IGFBP5: variants seen among roughly 807,000 people sequenced by gnomAD.
The protein encoded by IGFBP5 is insulin like growth factor binding protein 5, also known as insulin-like growth factor-binding protein 5.
In IGFBP5, 12 loss-of-function variants were observed where a neutral mutation model predicts 28.0. The ratio of observed to expected loss-of-function variants is 0.43; its 90% CI spans 0.27 to 0.69. The LOEUF is 0.69. Among genes scored for constraint, IGFBP5 ranks in the 30% least tolerant of loss-of-function variants. IGFBP5 has a pLI of 0.20. For missense variants in IGFBP5, 344 were observed against 381.6 expected (o/e 0.90, Z 0.82); for synonymous variants, 152 against 150.2 (o/e 1.01, Z -0.09).
At chr2:216,685,015 G>T (rs1689018453) in intron 1 of IGFBP5, among the ~76,000 whole-genome samples, 1 of 152,228 alleles carries the variant, frequency 6.6e-6, no homozygotes, top group South Asian at 2.1e-4. Flanking sequence ...CAGGCATGGT[G>T]GCTCACGCCT....
intron 1 of IGFBP5, among the ~76,000 whole-genome samples, chr2:216,687,626 A>C (rs1007323421): frequency 6.6e-6 from 1 of 152,126 alleles, no homozygotes; most frequent in Non-Finnish European, 1.5e-5. Flanking sequence ...CTTCTTTTGG[A>C]GTTGGGGAAG....
At chr2:216,685,608 G>A (rs552042297) in intron 1 of IGFBP5, among the ~76,000 whole-genome samples, 62 of 152,326 alleles carry the variant, frequency 4.1e-4, no homozygotes, top group Non-Finnish European at 5.3e-4. Flanking sequence ...CAAGGCTGGT[G>A]GAAGCATGAG....
rs775222917 is a variant in IGFBP5 at position 216,672,486 on chromosome 2, C to T, written c.*4265G>A. On this transcript the variant is annotated 3_prime_UTR_variant, in exon 4 of 4. Transcript: ENST00000233813. The stretch of plus-strand genomic sequence containing the variant: ...ATGTATGTAAAACTATAGAGAACTA[C>T]AGTAATATGTACTGTGGTTATTGCT... The T allele has an allele frequency of 2.7e-5, 4 of 149,524 alleles. No homozygotes were observed. The highest frequency in any genetic ancestry group is 5.9e-5 in the Non-Finnish European group (4 of 67,492). The allele number at this position is 149,524 out of a possible 1,614,324, so 9.3% of individuals were successfully genotyped here.
At chr2:216,685,725 A>G (rs1689027188) in intron 1 of IGFBP5, among the ~76,000 whole-genome samples, 1 of 152,168 alleles carries the variant, frequency 6.6e-6, no homozygotes, top group Non-Finnish European at 1.5e-5. Context: ...GTGTGTGTGC[A>G]TTTGCAGAAG....
Position 216,676,744 on chromosome 2 carries a change from G to A in IGFBP5, c.*7C>T, listed in dbSNP as rs771598060. 6 of 1,581,602 alleles carry A rather than the reference G, an allele frequency of 3.8e-6. No homozygotes were observed. The highest frequency in any genetic ancestry group is 4.3e-6 in the Non-Finnish European group (5 of 1,158,972). On this transcript the variant is annotated 3_prime_UTR_variant, in exon 4 of 4. Coordinates refer to ENST00000233813, the MANE Select transcript of IGFBP5 (RefSeq NM_000599.4). The stretch of plus-strand genomic sequence containing the variant: ...AGGGGGTGAGGGAAAGGTTGGGGGG[G>A]GACGCATCACTCAACGTTGCTGCTG...
At chr2:216,685,943 G>A (rs904871909) in intron 1 of IGFBP5, among the ~76,000 whole-genome samples, 5 of 151,556 alleles carry the variant, frequency 3.3e-5, no homozygotes, top group African/African-American at 4.9e-5. Context: ...TGCATGTTCC[G>A]GGTTCTTTTT....
At chr2:216,678,085 G>C (rs762341803) in intron 3 of IGFBP5, 27 bp downstream of exon 3, 1 of 1,428,928 alleles carries the variant, frequency 7.0e-7, no homozygotes, top group South Asian at 1.7e-5. Context: ...AGCAGTCTGA[G>C]CCTGGAGCTC....
chr2:216,682,114 C>G (rs777848398), intron 1 of IGFBP5, among the ~76,000 whole-genome samples: 26 of 152,224 alleles, frequency 1.7e-4, no homozygotes, highest in Non-Finnish European at 1.5e-4. Context: ...GAGGGCACAC[C>G]TTCCCCAGCT....
In IGFBP5 at chr2:216,694,624, G is replaced by C; in HGVS notation, c.152C>G (p.Pro51Arg). 1 of 1,539,624 alleles carries C rather than the reference G, an allele frequency of 6.5e-7. No homozygotes were observed. Among genetic ancestry groups the C allele is most frequent in the African/African-American group, 1.4e-5 (1 of 72,112 alleles). Residue 51 changes from proline (P) to arginine (R), a missense_variant, in exon 1 of 4, where the codon CCG becomes CGG. Coordinates refer to ENST00000233813, the MANE Select transcript of IGFBP5 (RefSeq NM_000599.4). The surrounding 1 kb of genome is among the most constrained non-coding windows in gnomAD (Gnocchi z 5.2). ...SPLGCELVKEPGCGCCMTCAL... is the reference protein window; with the variant it reads ...SPLGCELVKERGCGCCMTCAL... ...GCAGGTCATGCAGCAGCCGCAGCCCGGCTCCTTGACCAGCTCGCAGCCCAG... is the reference window on the plus strand; with the variant it reads ...GCAGGTCATGCAGCAGCCGCAGCCCCGCTCCTTGACCAGCTCGCAGCCCAG...
In IGFBP5 at chr2:216,679,437, A is replaced by G. The variant is rs1386148690; in HGVS notation, c.338-358T>C. On this transcript the variant is annotated intron_variant, in intron 1 of 3. Coordinates refer to ENST00000233813, the MANE Select transcript of IGFBP5 (RefSeq NM_000599.4). This position sits in a 1 kb window ranked among gnomAD's most constrained non-coding sequence, Gnocchi z 4.6. ...TGGCCTCTGCAAGGATGAAGGTGGC[A>G]GCGAGCGGTTTGCTTGCTGGGGGAT... Among the ~76,000 whole-genome samples, 1 of 152,124 alleles carries G rather than the reference A, an allele frequency of 6.6e-6. No individual in the cohort carries two copies. The highest frequency in any genetic ancestry group is 2.4e-5 in the African/African-American group (1 of 41,412).
At chr2:216,688,648 A>G (rs888301449) in intron 1 of IGFBP5, among the ~76,000 whole-genome samples, 2 of 152,180 alleles carry the variant, frequency 1.3e-5, no homozygotes, top group African/African-American at 4.8e-5. Context: ...AACTCAGAGA[A>G]TCAGCAGAGG....
At position 216,679,324 on chromosome 2, in the gene IGFBP5, C is replaced by G; in HGVS notation, c.338-245G>C. ...AGAGAGTGCAGGCAGGGAGGCTTCACAGAGGAGGAGAATCGAGAGACTGAC... is the reference window on the plus strand; with the variant it reads ...AGAGAGTGCAGGCAGGGAGGCTTCAGAGAGGAGGAGAATCGAGAGACTGAC... On this transcript the variant is annotated intron_variant, in intron 1 of 3. Coordinates refer to ENST00000233813, the MANE Select transcript of IGFBP5 (RefSeq NM_000599.4). The surrounding 1 kb of genome is among the most constrained non-coding windows in gnomAD (Gnocchi z 4.6). 1 of 555,224 alleles carries G rather than the reference C, an allele frequency of 1.8e-6. No homozygotes were observed. Among genetic ancestry groups the G allele is most frequent in the Non-Finnish European group, 3.3e-6 (1 of 305,054 alleles). The allele number at this position is 555,224 out of a possible 1,614,324, so 34.4% of individuals were successfully genotyped here.
rs764506486 is a variant in IGFBP5, at chr2:216,676,892, G to A, written c.688-10C>T. ...CACGGGAAGGTTTGCACTGGGGTGAGTAGAGCAACAGGCGGTGAGGACGGC... is the reference window on the plus strand; with the variant it reads ...CACGGGAAGGTTTGCACTGGGGTGAATAGAGCAACAGGCGGTGAGGACGGC... On this transcript the variant is annotated splice_polypyrimidine_tract_variant and intron_variant, in intron 3 of 3. Transcript: ENST00000233813. 3 of 1,613,714 alleles carry A rather than the reference G, an allele frequency of 1.9e-6. No homozygotes were observed. Among genetic ancestry groups the A allele is most frequent in the African/African-American group, 1.3e-5 (1 of 75,038 alleles).
intron 1 of IGFBP5, among the ~76,000 whole-genome samples, chr2:216,687,912 G>A (rs985131591): frequency 6.6e-6 from 1 of 152,194 alleles, no homozygotes; most frequent in Non-Finnish European, 1.5e-5. Context: ...CCCAGGCTCT[G>A]CTAGGGACCA....
At chr2:216,684,876 A>T (rs1472921746) in intron 1 of IGFBP5, among the ~76,000 whole-genome samples, 1 of 152,240 alleles carries the variant, frequency 6.6e-6, no homozygotes, top group Non-Finnish European at 1.5e-5. Flanking sequence ...GGAGCAAGAT[A>T]ACCCTGCCGC....
chr2:216,688,595 G>A (rs1299116435), intron 1 of IGFBP5, among the ~76,000 whole-genome samples: 1 of 152,140 alleles, frequency 6.6e-6, no homozygotes, highest in African/African-American at 2.4e-5. Context: ...TGACAGAGGG[G>A]TGTCGCAGTC....
At chr2:216,683,485 G>T (rs1689003287) in intron 1 of IGFBP5, among the ~76,000 whole-genome samples, 1 of 152,196 alleles carries the variant, frequency 6.6e-6, no homozygotes, top group Non-Finnish European at 1.5e-5. Flanking sequence ...TATTTAAAGA[G>T]TCAGGGAGAC....
rs72065152 is a variant in IGFBP5 at position 216,672,538 on chromosome 2, A to AAACAAC, written c.*4207_*4212dup. ...TCTTCAAAAAAAAAAAGAAAAAGAAAAACAACAACAACAACAACGAAAACA... is the reference window on the plus strand; with the variant it reads ...TCTTCAAAAAAAAAAAGAAAAAGAAAAACAACAACAACAACAACAACAACGAAAACA... On this transcript the variant is annotated 3_prime_UTR_variant, in exon 4 of 4. Coordinates refer to ENST00000233813, the MANE Select transcript of IGFBP5 (RefSeq NM_000599.4). The AAACAAC allele has an allele frequency of 6.6e-6, 1 of 152,288 alleles. No homozygotes were observed. The highest frequency in any genetic ancestry group is 1.5e-5 in the Non-Finnish European group (1 of 67,962). The allele number at this position is 152,288 out of a possible 1,614,324, so 9.4% of individuals were successfully genotyped here.
intron 1 of IGFBP5, among the ~76,000 whole-genome samples, chr2:216,681,704 T>C (rs1261140569): frequency 6.6e-6 from 1 of 152,182 alleles, no homozygotes; most frequent in Non-Finnish European, 1.5e-5. Context: ...GTCCATTTGG[T>C]CAGAGGGTGC....
Sources: allele counts gnomAD v4.1 joint callset (sites outside exome capture counted in the v4.1 genomes callset), GRCh38; gene constraint gnomAD v4.1.1; non-coding constraint Gnocchi (gnomAD v3.1); transcripts MANE v1.5; gene names NCBI Gene and HGNC (gene_info 2026-07-23, HGNC 2026-07-21).